Variants in TCEA1 observed in about 807,000 individuals in gnomAD.
TCEA1 encodes the protein transcription elongation factor A1, also known as transcription elongation factor A protein 1.
Under a neutral mutation model 43.8 loss-of-function variants are expected in TCEA1, and 21 were observed. The ratio of observed to expected loss-of-function variants is 0.48; its 90% CI spans 0.34 to 0.69. The LOEUF is 0.69. TCEA1 is among the 30% of genes least tolerant of loss of function. The probability of loss-of-function intolerance (pLI) is 0.01; values close to 1 mark genes in which losing one functional copy is unlikely to be tolerated. For missense variants in TCEA1, 250 were observed against 365.1 expected, an observed-to-expected ratio of 0.68 and a Z score of 2.57; for synonymous variants, 104 against 117.5, an observed-to-expected ratio of 0.88 and a Z score of 0.75.
intron 3 of TCEA1, among the ~76,000 whole-genome samples, chr8:53,995,775 A>G (rs1018578753): frequency 2.0e-5 from 3 of 152,208 alleles, no homozygotes; most frequent in Non-Finnish European, 4.4e-5. Context: ...AGACAACTCT[A>G]ATATATAGTT....
At chr8:54,017,177 G>C (rs1804859215) in intron 1 of TCEA1, among the ~76,000 whole-genome samples, 1 of 152,042 alleles carries the variant, frequency 6.6e-6, no homozygotes, top group Admixed American at 6.6e-5. Context: ...TGCTTAATAG[G>C]TACAGGGTTT....
intron 2 of TCEA1, among the ~76,000 whole-genome samples, chr8:54,002,386 T>C (rs544948437): frequency 1.2e-4 from 18 of 151,840 alleles, no homozygotes; most frequent in African/African-American, 3.6e-4. Flanking sequence ...GGAGAATTGC[T>C]TGAACCCGGG....
chr8:53,977,180 C>G (rs1441832355), intron 8 of TCEA1, among the ~76,000 whole-genome samples: 2 of 152,042 alleles, frequency 1.3e-5, no homozygotes, highest in Non-Finnish European at 2.9e-5. Context: ...ATTAGCCAGG[C>G]GTTGTGGTGG....
chr8:53,998,572 T>C (rs1804142598), intron 3 of TCEA1, among the ~76,000 whole-genome samples: 1 of 152,210 alleles, frequency 6.6e-6, no homozygotes, highest in Non-Finnish European at 1.5e-5. Context: ...ATTGGGTTTG[T>C]GCAATTAATG....
intron 6 of TCEA1, among the ~76,000 whole-genome samples, chr8:53,986,593 T>G (rs1272020532): frequency 6.6e-6 from 1 of 152,248 alleles, no homozygotes; most frequent in African/African-American, 2.4e-5. Context: ...AATCATATTT[T>G]CACTCTCCTG....
At chr8:53,998,846 A>G (rs1360301359) in intron 3 of TCEA1, among the ~76,000 whole-genome samples, 2 of 152,196 alleles carry the variant, frequency 1.3e-5, no homozygotes, top group Non-Finnish European at 2.9e-5. Context: ...CTTGGGGGGA[A>G]AACAAAGGAG....
intron 8 of TCEA1, among the ~76,000 whole-genome samples, chr8:53,977,429 C>T (rs910888389): frequency 6.6e-6 from 1 of 152,184 alleles, no homozygotes; most frequent in Non-Finnish European, 1.5e-5. Flanking sequence ...GAGGTGGCCA[C>T]AGGCAAAAGT....
intron 9 of TCEA1, among the ~76,000 whole-genome samples, chr8:53,968,795 C>A (rs753829225): frequency 1.4e-4 from 22 of 152,154 alleles, no homozygotes; most frequent in African/African-American, 3.1e-4. Context: ...ACAACAACAA[C>A]AAAAAAGATC....
In TCEA1 at chr8:53,993,749, G is replaced by A; in HGVS notation, c.239C>T (p.Pro80Leu). 6.2e-7 allele frequency: 1 copy of A among 1,610,770 alleles called. No homozygotes were observed. Among genetic ancestry groups the A allele is most frequent in the East Asian group, 2.2e-5 (1 of 44,844 alleles). Residue 80 changes from proline to leucine, a missense_variant, in exon 4 of 10, where the codon CCA (proline) becomes CTA (leucine). This residue lies in a region of TCEA1 where 147 missense variants were observed against 160.3 expected (regional missense o/e 0.92). Transcript: ENST00000521604. ...TTCGTCAAGGTCTTTCTCAGTTGAT[G>A]GCCCATCTGAAAATTATGAAATCTC... is the stretch of plus-strand genomic sequence containing the variant. ...IKSWKKLLDG[P>L]STEKDLDEKK...
Position 53,969,161 on chromosome 8 carries a change from A to C in TCEA1, c.898-1049T>G, listed in dbSNP as rs908718172. ...AAAAATTAGCTGGGCATGGTGGCAC[A>C]TTCCTGTAATCCCAGCTACTTGGGA... On this transcript the variant is annotated intron_variant, in intron 9 of 9. Coordinates refer to ENST00000521604, the MANE Select transcript of TCEA1 (RefSeq NM_006756.4). Among the ~76,000 whole-genome samples the C allele has an allele frequency of 3.9e-5, 6 of 152,142 alleles. No homozygotes were observed. The East Asian group carries it at 1.2e-3, about 29-fold the overall frequency.
At chr8:53,983,245 G>T (rs2129302020) in intron 7 of TCEA1, among the ~76,000 whole-genome samples, 1 of 152,242 alleles carries the variant, frequency 6.6e-6, no homozygotes, top group South Asian at 2.1e-4. Context: ...TATAGTATAA[G>T]CATAACTTTT....
rs1325672428 is a variant in TCEA1, at chr8:54,022,270, G to A, written c.-145C>T. 19 of 1,066,024 alleles carry A rather than the reference G, an allele frequency of 1.8e-5. No individual in the cohort carries two copies. Among genetic ancestry groups the A allele is most frequent in the Admixed American group, 2.4e-5 (1 of 42,240 alleles). 66.0% of individuals were successfully genotyped at this position (1,066,024 alleles called of 1,614,324 possible). ...GGCCTAGGCCCCCTTCCTTACGAAC[G>A]AAGCCCGCGGCGGCGGCGGCGGCGG... is the stretch of plus-strand genomic sequence containing the variant. On this transcript the variant is annotated 5_prime_UTR_variant, in exon 1 of 10. Coordinates refer to ENST00000521604, the MANE Select transcript of TCEA1 (RefSeq NM_006756.4).
intron 4 of TCEA1, among the ~76,000 whole-genome samples, chr8:53,993,046 G>A (rs372330904): frequency 4.7e-5 from 7 of 150,216 alleles, no homozygotes; most frequent in East Asian, 2.0e-4. Context: ...TCTGCCTCCC[G>A]GGTTCCAGCA....
chr8:54,005,361 T>C (rs1804406396), intron 2 of TCEA1, among the ~76,000 whole-genome samples: 1 of 152,196 alleles, frequency 6.6e-6, no homozygotes, highest in South Asian at 2.1e-4. Context: ...ATCAGAAACA[T>C]TTCCATCACT....
chr8:53,997,202 C>T (rs1048203169), intron 3 of TCEA1, among the ~76,000 whole-genome samples: 1 of 152,096 alleles, frequency 6.6e-6, no homozygotes, highest in African/African-American at 2.4e-5. Flanking sequence ...GCCACCATGC[C>T]TGGCCAGAAG....
At chr8:53,979,204 A>G (rs1489050798) in intron 7 of TCEA1, 33 bp from the exon 8 acceptor site, 1 of 1,595,896 alleles carries the variant, frequency 6.3e-7, no homozygotes, top group Admixed American at 1.7e-5. Context: ...ACTCAGTTAT[A>G]GACACCTTCT....
intron 1 of TCEA1, among the ~76,000 whole-genome samples, chr8:54,011,082 C>T (rs1216041524): frequency 6.6e-6 from 1 of 152,126 alleles, no homozygotes; most frequent in East Asian, 1.9e-4. Context: ...GGATTACAGG[C>T]GTGAGCCACC....
intron 8 of TCEA1, chr8:53,972,478 C>T (rs1374012955): frequency 3.8e-6 from 2 of 520,840 alleles, no homozygotes; most frequent in Non-Finnish European, 7.7e-6. Flanking sequence ...GATAAACCTG[C>T]TCCTCGTGCT....
At chr8:54,021,777 T>G (rs866331131) in intron 1 of TCEA1, 13 of 311,574 alleles carry the variant, frequency 4.2e-5, no homozygotes, top group African/African-American at 1.7e-4. Flanking sequence ...CACGAAAGTT[T>G]AAAGTCAACG....
Sources: gnomAD v4.1 joint callset for allele counts (sites outside exome capture counted in the v4.1 genomes callset) on GRCh38, gnomAD v4.1.1 for gene constraint, gnomAD v4.1.1 regional missense constraint, MANE v1.5 for transcripts, NCBI Gene and HGNC (gene_info 2026-07-23, HGNC 2026-07-21) for gene names.